Variants in LRRC37A observed in about 807,000 individuals in gnomAD.
The protein encoded by LRRC37A is leucine rich repeat containing 37A, also known as leucine-rich repeat-containing protein 37A.
Under a neutral mutation model 35.4 loss-of-function variants are expected in LRRC37A, and 3 were observed. The observed-to-expected ratio is 0.08, with a 90% confidence interval of 0.04 to 0.22. LRRC37A has a LOEUF of 0.22. Ranked by LOEUF, LRRC37A falls within the 10% of genes least tolerant of loss-of-function variation. LRRC37A has a pLI of 1.00. For synonymous variants in LRRC37A, 23 were observed against 215.0 expected, an observed-to-expected ratio of 0.11 and a Z score of 7.81; for missense variants, 67 against 565.3, an observed-to-expected ratio of 0.12 and a Z score of 8.94.
intron 5 of LRRC37A, among the ~76,000 whole-genome samples, chr17:46,312,420 TAAC>T (rs1275374822): frequency 1.2e-4 from 8 of 65,678 alleles, no homozygotes; most frequent in East Asian, 3.1e-4. Context: ...GGAGGAAAGA[TAAC>T]AAACTTTGCC....
At chr17:46,332,934 C>G (rs1426781519) in intron 10 of LRRC37A, among the ~76,000 whole-genome samples, 3 of 151,424 alleles carry the variant, frequency 2.0e-5, no homozygotes, top group Non-Finnish European at 4.4e-5. Context: ...TTCTCCCACC[C>G]AAAACTATGT....
chr17:46,266,912 C>T, the LRRC37A span: 12 of 269,660 alleles, frequency 4.5e-5, no homozygotes, highest in Admixed American at 4.5e-4. Flanking sequence ...ACGGGCCCTA[C>T]GCTTCCCCGC....
chr17:46,289,462 G>T (rs538814565), upstream of LRRC37A, among the ~76,000 whole-genome samples: 10 of 152,170 alleles, frequency 6.6e-5, no homozygotes, highest in Non-Finnish European at 8.8e-5. Flanking sequence ...TGAGCCACTT[G>T]TACCCAGCCA....
At chr17:46,312,016 G>GT (rs2050822980) in intron 5 of LRRC37A, among the ~76,000 whole-genome samples, 2 of 69,570 alleles carry the variant, frequency 2.9e-5, no homozygotes, top group South Asian at 1.3e-3. Context: ...TTGAGCCCCT[G>GT]GAGTTCAAGT....
At chr17:46,279,832 G>A in the LRRC37A span, among the ~76,000 whole-genome samples, 17,338 of 150,314 alleles carry the variant, frequency 0.12, no homozygotes, top group Non-Finnish European at 0.17. Flanking sequence ...TTTTAGTGGC[G>A]TTTCTAATTG....
At chr17:46,248,207 G>C in the LRRC37A span, among the ~76,000 whole-genome samples, 1 of 151,624 alleles carries the variant, frequency 6.6e-6, no homozygotes, top group African/African-American at 2.4e-5. Context: ...TGCGTTTTTA[G>C]GTTTGTTTTA....
upstream of LRRC37A, among the ~76,000 whole-genome samples, chr17:46,290,603 T>C (rs1310511367): frequency 6.6e-6 from 1 of 152,138 alleles, no homozygotes; most frequent in African/African-American, 2.4e-5. Flanking sequence ...CCTGCCACCA[T>C]GCCTGGCTAA....
At chr17:46,288,589 G>A (rs1033129418), upstream of LRRC37A, among the ~76,000 whole-genome samples, 5 of 151,154 alleles carry the variant, frequency 3.3e-5, no homozygotes, top group Admixed American at 1.3e-4. Flanking sequence ...TGAGCCACAG[G>A]GCCCAGCCTC....
the LRRC37A span, chr17:46,268,395 T>A: frequency 1.1e-6 from 1 of 880,080 alleles, no homozygotes; most frequent in Non-Finnish European, 1.5e-6. Flanking sequence ...TTTCAACTTG[T>A]GCAGCAAGAT....
intron 5 of LRRC37A, among the ~76,000 whole-genome samples, chr17:46,314,403 T>A (rs1282773960): frequency 1.3e-5 from 1 of 74,478 alleles, no homozygotes; most frequent in African/African-American, 3.5e-5. Flanking sequence ...CTTATAATCG[T>A]GTGAGATGTA....
rs539511876 is a variant in LRRC37A, at chr17:46,327,999, A to T, written c.3054-393A>T. On this transcript the variant is annotated intron_variant, in intron 7 of 13. Transcript: ENST00000320254. The stretch of plus-strand genomic sequence containing the variant: ...TTTTTAATGCCCAGAGTAATTTATA[A>T]TATTTCCCACTCCCAACAGGAATTG... Among the ~76,000 whole-genome samples the T allele has an allele frequency of 6.4e-5, 4 of 62,858 alleles. 1 individual carries two copies. The highest frequency in any genetic ancestry group is 1.4e-4 in the African/African-American group (4 of 28,490). The allele number at this position is 62,858 out of a possible 152,430, so 41.2% of individuals were successfully genotyped here. A position where few individuals can be genotyped will look rare whatever the true frequency, so the allele number is the denominator to read the frequency against.
At chr17:46,267,714 C>CG in the LRRC37A span, among the ~76,000 whole-genome samples, 33 of 151,540 alleles carry the variant, frequency 2.2e-4, no homozygotes, top group Admixed American at 1.1e-3. Context: ...CCCACCCCCA[C>CG]GGGTGAGAAC....
chr17:46,279,497 TTTC>T, the LRRC37A span, among the ~76,000 whole-genome samples: 10 of 125,514 alleles, frequency 8.0e-5, no homozygotes, highest in African/African-American at 1.9e-4. Context: ...TTTTTCTTTC[TTTC>T]TTTTTTTTTT....
At chr17:46,250,248 T>A in the LRRC37A span, among the ~76,000 whole-genome samples, 1 of 152,244 alleles carries the variant, frequency 6.6e-6, no homozygotes, top group Non-Finnish European at 1.5e-5. Context: ...ATAGTTTTCA[T>A]CGTCCTCGGG....
intron 2 of LRRC37A, among the ~76,000 whole-genome samples, chr17:46,300,442 C>G (rs1480566533): frequency 2.0e-4 from 5 of 24,594 alleles, no homozygotes; most frequent in African/African-American, 4.2e-4. Context: ...TATAAAAATG[C>G]AATAACAGAT....
At chr17:46,305,004 G>A (rs1368389749) in intron 3 of LRRC37A, among the ~76,000 whole-genome samples, 1 of 84,608 alleles carries the variant, frequency 1.2e-5, no homozygotes, top group Non-Finnish European at 3.0e-5. Flanking sequence ...GAGCAGCTAG[G>A]ACTACAGGCA....
chr17:46,317,133 T>A, intron 5 of LRRC37A, among the ~76,000 whole-genome samples: 1 of 89,154 alleles, frequency 1.1e-5, no homozygotes, highest in Non-Finnish European at 3.3e-5. Flanking sequence ...TGGGTACACC[T>A]CCCAGATGGG....
At chr17:46,273,342 T>C in the LRRC37A span, among the ~76,000 whole-genome samples, 3 of 152,262 alleles carry the variant, frequency 2.0e-5, no homozygotes, top group Admixed American at 6.5e-5. Context: ...CATGTTTTCA[T>C]ATTGAGTGAT....
the LRRC37A span, chr17:46,275,517 A>C: frequency 1.7e-6 from 1 of 585,924 alleles, no homozygotes; most frequent in Non-Finnish European, 3.1e-6. Flanking sequence ...AGAAGCAGCC[A>C]TGTTCTTTCA....
Sources: gnomAD v4.1 joint callset for allele counts (sites outside exome capture counted in the v4.1 genomes callset) on GRCh38, gnomAD v4.1.1 for gene constraint, MANE v1.5 for transcripts, NCBI Gene and HGNC (gene_info 2026-07-23, HGNC 2026-07-21) for gene names.